MAP6: variants seen among roughly 807,000 people sequenced by gnomAD.
The protein encoded by MAP6 is microtubule-associated protein 6.
MAP6 carries 26 observed loss-of-function variants against 42.4 expected under a neutral mutation model. The ratio of observed to expected loss-of-function variants is 0.61; its 90% CI spans 0.45 to 0.85. The LOEUF is 0.85. Ranked by LOEUF, MAP6 falls within the 40% of genes least tolerant of loss-of-function variation. MAP6 has a pLI of 0.00. For synonymous variants in MAP6, 418 were observed against 443.8 expected (o/e 0.94, Z 0.73); for missense variants, 966 against 1,099.0 (o/e 0.88, Z 1.71).
At chr11:75,635,350 T>A (rs1359037046) in intron 1 of MAP6, among the ~76,000 whole-genome samples, 2 of 152,222 alleles carry the variant, frequency 1.3e-5, no homozygotes, top group Admixed American at 1.3e-4. Context: ...CCATGAGGGT[T>A]AAACACATCA....
chr11:75,595,804 C>G (rs1449326955), intron 3 of MAP6, among the ~76,000 whole-genome samples: 6 of 139,634 alleles, frequency 4.3e-5, no homozygotes, highest in Non-Finnish European at 6.1e-5. Flanking sequence ...TGGGCACTTT[C>G]AGGCCAGGGA....
chr11:75,596,088 C>A (rs1335652616), intron 3 of MAP6: 1 of 152,150 alleles, frequency 6.6e-6, no homozygotes, highest in Admixed American at 6.5e-5. Flanking sequence ...CCTTTTTTGG[C>A]CCTCCAAATG....
chr11:75,606,177 C>T (rs921857632), intron 2 of MAP6, among the ~76,000 whole-genome samples, 173 bp from the exon 3 acceptor site: 2 of 152,196 alleles, frequency 1.3e-5, no homozygotes, highest in South Asian at 2.1e-4. Context: ...CGGCATCTCC[C>T]GTCTGAACTC....
intron 3 of MAP6, chr11:75,605,282 C>G (rs916546523): frequency 3.0e-6 from 3 of 986,212 alleles, no homozygotes; most frequent in Non-Finnish European, 3.6e-6. Flanking sequence ...ACATTAAGGC[C>G]AAGGTTGTTT....
chr11:75,635,581 A>T (rs996889788), intron 1 of MAP6, among the ~76,000 whole-genome samples: 1 of 152,246 alleles, frequency 6.6e-6, no homozygotes, highest in Non-Finnish European at 1.5e-5. Context: ...TTTTGAGGTA[A>T]AAATAGAAAC....
At chr11:75,592,214 C>T (rs543425708) in intron 3 of MAP6, among the ~76,000 whole-genome samples, 4 of 152,298 alleles carry the variant, frequency 2.6e-5, no homozygotes, top group Admixed American at 6.5e-5. Context: ...AGATTAGTTT[C>T]GTTTGCATCC....
At chr11:75,657,393 G>A (rs1015729562) in intron 1 of MAP6, among the ~76,000 whole-genome samples, 10 of 152,200 alleles carry the variant, frequency 6.6e-5, no homozygotes, top group Non-Finnish European at 1.2e-4. Flanking sequence ...TTACAGGCGT[G>A]AGCCACCATG....
intron 3 of MAP6, among the ~76,000 whole-genome samples, chr11:75,601,223 C>T (rs966371043): frequency 6.6e-6 from 1 of 152,204 alleles, no homozygotes; most frequent in Non-Finnish European, 1.5e-5. Context: ...TTAGGTTACT[C>T]TAGGTGTCTT....
In MAP6 at chr11:75,667,818, G is replaced by A; in HGVS notation, c.552C>T (p.Ser184=). The A allele has an allele frequency of 7.6e-7, 1 of 1,323,288 alleles. No individual in the cohort carries two copies. Among genetic ancestry groups the A allele is most frequent in the Non-Finnish European group, 9.7e-7 (1 of 1,036,022 alleles). The allele number at this position is 1,323,288 out of a possible 1,614,324, so 82.0% of individuals were successfully genotyped here. The part of the protein sequence containing the change: ...IPKPVQISAA[S]QASAPILGAP... ...CCCCGAGAATGGGCGCCGACGCCTG[G>A]GAGGCCGCAGAGATCTGCACGGGCT... The change falls in exon 1 of 4, where the codon TCC becomes TCT. Residue 184 remains serine (S), a synonymous_variant. Transcript: ENST00000304771. The surrounding 1 kb of genome is among the most constrained non-coding windows in gnomAD (Gnocchi z 5.6).
At chr11:75,665,429 A>G (rs925072589) in intron 1 of MAP6, among the ~76,000 whole-genome samples, 1 of 152,222 alleles carries the variant, frequency 6.6e-6, no homozygotes, top group African/African-American at 2.4e-5. Flanking sequence ...AAGGAGGCTT[A>G]AGAATCTGGA....
At chr11:75,599,054 C>T (rs1942626692) in intron 3 of MAP6, 1 of 152,184 alleles carries the variant, frequency 6.6e-6, no homozygotes, top group South Asian at 2.1e-4. Flanking sequence ...GAACAAGAAG[C>T]TTCTGCACCA....
chr11:75,639,955 A>G (rs558610232), intron 1 of MAP6, among the ~76,000 whole-genome samples: 1 of 152,102 alleles, frequency 6.6e-6, no homozygotes, highest in Non-Finnish European at 1.5e-5. Context: ...CTCCCACTCC[A>G]TTGAACACAC....
rs77392810 is a variant in MAP6, at chr11:75,607,574, T to C, written c.1119+535A>G. On this transcript the variant is annotated intron_variant, in intron 2 of 3. Coordinates refer to ENST00000304771, the MANE Select transcript of MAP6 (RefSeq NM_033063.2). ...CATATATTATAGCTGATGTGACAGG[T>C]GTGTTGTGACAGACCGAGAAGTCAT... The C allele has an allele frequency of 3.1e-3, 3,060 of 985,204 alleles. 66 individuals carry two copies. In the African/African-American group the frequency reaches 0.05, roughly 16 times the overall value. 61.0% of individuals were successfully genotyped at this position (985,204 alleles called of 1,614,324 possible).
At chr11:75,605,054 A>C in intron 3 of MAP6, 1 of 985,444 alleles carries the variant, frequency 1.0e-6, no homozygotes, top group Non-Finnish European at 1.2e-6. Context: ...TCAGAGGAAA[A>C]CAGCCTCCTC....
chr11:75,599,465 C>T (rs1942632101), intron 3 of MAP6, among the ~76,000 whole-genome samples: 1 of 152,238 alleles, frequency 6.6e-6, no homozygotes, highest in Non-Finnish European at 1.5e-5. Context: ...TAGTAACCTA[C>T]ATTGCAGTCA....
chr11:75,587,091 G>T lies in MAP6; in HGVS notation c.2410C>A (p.Pro804Thr). The change falls in exon 4 of 4, where the codon CCC (proline) becomes ACC (threonine). Residue 804 changes from proline to threonine, a missense_variant. By Grantham distance (38) the Pro-to-Thr change is conservative (BLOSUM62 -1). This residue lies in a region of MAP6 where 943 missense variants were observed against 1,049.9 expected (regional missense o/e 0.90). Transcript: ENST00000304771. ...GAGCTCTCAATGTATTCCGTATGGG[G>T]GGCAGTTGGGATCATGACTCGGGGT... Reference protein sequence around the residue: ...PLPRVMIPTAPHTEYIESSP With the variant: ...PLPRVMIPTATHTEYIESSP 2 of 1,605,952 alleles carry T rather than the reference G, an allele frequency of 1.2e-6. No homozygotes were observed. Among genetic ancestry groups the T allele is most frequent in the Non-Finnish European group, 1.7e-6 (2 of 1,174,292 alleles).
chr11:75,635,941 AC>A (rs1237503308), intron 1 of MAP6: 1 of 152,234 alleles, frequency 6.6e-6, no homozygotes, highest in Non-Finnish European at 1.5e-5. Flanking sequence ...GTAATGTTTT[AC>A]CCTTTAGATC....
chr11:75,629,441 T>C (rs549110885), intron 1 of MAP6, among the ~76,000 whole-genome samples: 33 of 152,222 alleles, frequency 2.2e-4, no homozygotes, highest in African/African-American at 9.6e-5. Context: ...GGTCAACTTG[T>C]GCCAATAAAA....
chr11:75,654,029 T>A (rs1447591322), intron 1 of MAP6, among the ~76,000 whole-genome samples: 2 of 152,214 alleles, frequency 1.3e-5, no homozygotes, highest in Non-Finnish European at 2.9e-5. Context: ...TGCACTAAGC[T>A]AGGTGCTGGA....
Sources: allele counts gnomAD v4.1 joint callset (sites outside exome capture counted in the v4.1 genomes callset), GRCh38; gene constraint gnomAD v4.1.1; regional missense constraint gnomAD v4.1.1; non-coding constraint Gnocchi (gnomAD v3.1); transcripts MANE v1.5; gene names NCBI Gene and HGNC (gene_info 2026-07-23, HGNC 2026-07-21).